Variants in ELAPOR1 observed in about 807,000 individuals in gnomAD.
The protein encoded by ELAPOR1 is endosome-lysosome associated apoptosis and autophagy regulator 1.
A neutral mutation model predicts 119.7 loss-of-function variants in ELAPOR1; 77 were observed. The observed-to-expected ratio is 0.64, with a 90% CI of 0.54 to 0.78. The LOEUF (loss-of-function observed/expected upper bound fraction) is 0.78, where lower values mean the gene tolerates loss of function less well. ELAPOR1 is among the 30% of genes least tolerant of loss of function. The probability of loss-of-function intolerance (pLI) is 0.00; values close to 1 mark genes in which losing one functional copy is unlikely to be tolerated. For synonymous variants in ELAPOR1, 481 were observed against 487.2 expected (o/e 0.99, Z 0.17); for missense variants, 1,115 against 1,270.4 (o/e 0.88, Z 1.86).
chr1:109,199,414 A>G (rs1346464891), intron 18 of ELAPOR1, among the ~76,000 whole-genome samples: 1 of 152,212 alleles, frequency 6.6e-6, no homozygotes, highest in Non-Finnish European at 1.5e-5. Context: ...CATTGTAAAC[A>G]TCACAGTAAA....
At chr1:109,196,021 T>G (rs979669070) in intron 15 of ELAPOR1, among the ~76,000 whole-genome samples, 1 of 152,170 alleles carries the variant, frequency 6.6e-6, no homozygotes, top group East Asian at 1.9e-4. Context: ...CCCGGCATGG[T>G]GGCACACATC....
intron 7 of ELAPOR1, among the ~76,000 whole-genome samples, chr1:109,174,330 T>C (rs1029099827): frequency 1.5e-5 from 2 of 133,896 alleles, no homozygotes; most frequent in African/African-American, 2.8e-5. Flanking sequence ...GGAAGATCAA[T>C]TGGGCCTAGG....
At chr1:109,170,953 A>G (rs1651883228) in intron 3 of ELAPOR1, among the ~76,000 whole-genome samples, 1 of 152,206 alleles carries the variant, frequency 6.6e-6, no homozygotes, top group Admixed American at 6.5e-5. Context: ...TTTCCATAAA[A>G]ACCATTTACA....
chr1:109,127,225 T>C (rs866672679), intron 1 of ELAPOR1, among the ~76,000 whole-genome samples: 3,767 of 150,450 alleles, frequency 0.025, 186 homozygotes, highest in African/African-American at 0.086. Flanking sequence ...CTTTTTTTTT[T>C]TTTTTTTTAA....
At chr1:109,187,583 C>A (rs1653133126) in intron 8 of ELAPOR1, 2 of 1,002,172 alleles carry the variant, frequency 2.0e-6, no homozygotes, top group Non-Finnish European at 2.4e-6. Flanking sequence ...CCCACCTTCA[C>A]CCCTGACTCA....
rs1381160590 is a variant in ELAPOR1 at position 109,206,063 on chromosome 1, G to A, written c.*3051G>A. 1.3e-5 allele frequency: 2 copies of A among 151,798 alleles called. No homozygotes were observed. The highest frequency in any genetic ancestry group is 6.6e-5 in the Admixed American group (1 of 15,242). 9.4% of individuals were successfully genotyped at this position (151,798 alleles called of 1,614,324 possible). Reference sequence around the variant, plus strand: ...CAGAGTCAGCTTTGTTGCCCAGGCTGGAGTGCAGTGCCATGATCTTGGCTC... The same window carrying A: ...CAGAGTCAGCTTTGTTGCCCAGGCTAGAGTGCAGTGCCATGATCTTGGCTC... On this transcript the variant is annotated 3_prime_UTR_variant, in exon 22 of 22. Transcript: ENST00000369939.
At chr1:109,134,400 T>G (rs974417034) in intron 1 of ELAPOR1, among the ~76,000 whole-genome samples, 2 of 152,148 alleles carry the variant, frequency 1.3e-5, no homozygotes, top group African/African-American at 4.8e-5. Flanking sequence ...CTTCTTGACC[T>G]CACAGGGCTG....
At chr1:109,188,615 A>G (rs566667902) in intron 9 of ELAPOR1, among the ~76,000 whole-genome samples, 2 of 152,274 alleles carry the variant, frequency 1.3e-5, no homozygotes, top group African/African-American at 4.8e-5. Context: ...AAGGTGCCCA[A>G]TCCTCAAAGC....
At chr1:109,125,112 A>G (rs1215733475) in intron 1 of ELAPOR1, among the ~76,000 whole-genome samples, 1 of 151,854 alleles carries the variant, frequency 6.6e-6, no homozygotes, top group Non-Finnish European at 1.5e-5. Flanking sequence ...TATTTTTAGT[A>G]GAGATGGCAC....
chr1:109,175,580 A>C (rs1218795491), intron 7 of ELAPOR1, among the ~76,000 whole-genome samples: 1 of 149,978 alleles, frequency 6.7e-6, no homozygotes, highest in Non-Finnish European at 1.5e-5. Flanking sequence ...TAATCCCAGC[A>C]CTTTGGGAGG....
intron 7 of ELAPOR1, among the ~76,000 whole-genome samples, chr1:109,182,101 G>T (rs764033945): frequency 2.7e-4 from 41 of 152,144 alleles, no homozygotes; most frequent in Non-Finnish European, 4.9e-4. Flanking sequence ...GGACGCTAAG[G>T]CAGGCAGATC....
At chr1:109,131,868 T>A (rs1026535665) in intron 1 of ELAPOR1, among the ~76,000 whole-genome samples, 5 of 152,082 alleles carry the variant, frequency 3.3e-5, no homozygotes, top group Non-Finnish European at 5.9e-5. Flanking sequence ...GATGGGAATG[T>A]GTAGGACTTG....
intron 1 of ELAPOR1, among the ~76,000 whole-genome samples, chr1:109,147,064 C>T (rs1356061517): frequency 7.3e-5 from 10 of 137,696 alleles, no homozygotes; most frequent in South Asian, 2.5e-4. Flanking sequence ...TGCCACTACG[C>T]CTGGCTAATT....
chr1:109,148,675 A>T (rs1650339544), intron 1 of ELAPOR1, among the ~76,000 whole-genome samples: 1 of 152,214 alleles, frequency 6.6e-6, no homozygotes, highest in South Asian at 2.1e-4. Flanking sequence ...CAGACAGCTA[A>T]CATATCCAAA....
intron 1 of ELAPOR1, among the ~76,000 whole-genome samples, chr1:109,138,818 G>C (rs1373998338): frequency 1.1e-5 from 1 of 89,740 alleles, no homozygotes; most frequent in Non-Finnish European, 2.2e-5. Flanking sequence ...TGGGCAACAA[G>C]AGTGAAACTC....
chr1:109,191,869 T>A lies in ELAPOR1; in HGVS notation c.1683+6T>A. 7 of 1,614,034 alleles carry A rather than the reference T, an allele frequency of 4.3e-6. No homozygotes were observed. The highest frequency in any genetic ancestry group is 5.9e-6 in the Non-Finnish European group (7 of 1,179,942). On this transcript the variant is annotated splice_donor_region_variant and intron_variant, in intron 13 of 21. Transcript: ENST00000369939. Reference sequence around the variant, plus strand: ...GGACCACTTTTCATGAGGCAGTAAGTTCCTCCCCTTCCTCAGACCCCCAGG... The same window carrying A: ...GGACCACTTTTCATGAGGCAGTAAGATCCTCCCCTTCCTCAGACCCCCAGG...
intron 12 of ELAPOR1, 68 bp downstream of exon 12, chr1:109,191,539 T>C: frequency 7.1e-7 from 1 of 1,411,222 alleles, no homozygotes; most frequent in Non-Finnish European, 1.0e-6. Flanking sequence ...GCCCCATTGG[T>C]GTGTCCACGT....
rs189974330 is a variant in ELAPOR1 at position 109,187,315 on chromosome 1, G to A, written c.1042-862G>A. ...GTTCAAGCCTGGGGCTCTGGCTGTC[G>A]CAGCCCTCCGCAGGGAAGAGGGCCG... On this transcript the variant is annotated intron_variant, in intron 8 of 21. Coordinates refer to ENST00000369939, the MANE Select transcript of ELAPOR1 (RefSeq NM_020775.5). 8,666 of 985,462 alleles carry A rather than the reference G, an allele frequency of 8.8e-3. 43 individuals carry two copies. Among genetic ancestry groups the A allele is most frequent in the Non-Finnish European group, 9.7e-3 (8,057 of 829,970 alleles). The allele number at this position is 985,462 out of a possible 1,614,324, so 61.0% of individuals were successfully genotyped here.
At chr1:109,135,434 G>A (rs1384796498) in intron 1 of ELAPOR1, among the ~76,000 whole-genome samples, 1 of 152,036 alleles carries the variant, frequency 6.6e-6, no homozygotes, top group Non-Finnish European at 1.5e-5. Flanking sequence ...AGTAGAAACG[G>A]TTTCACCACA....
Sources: allele counts gnomAD v4.1 joint callset (sites outside exome capture counted in the v4.1 genomes callset), GRCh38; gene constraint gnomAD v4.1.1; transcripts MANE v1.5; gene names NCBI Gene and HGNC (gene_info 2026-07-23, HGNC 2026-07-21).